SH3RF3: variants seen among roughly 807,000 people sequenced by gnomAD.
The protein encoded by SH3RF3 is SH3 domain containing ring finger 3, also known as E3 ubiquitin-protein ligase SH3RF3.
A neutral mutation model predicts 66.3 loss-of-function variants in SH3RF3; 29 were observed. The ratio of observed to expected loss-of-function variants is 0.44; its 90% CI spans 0.33 to 0.60. The LOEUF (loss-of-function observed/expected upper bound fraction) is 0.60. Among genes scored for constraint, SH3RF3 ranks in the 20% least tolerant of loss-of-function variants. SH3RF3 has a pLI of 0.04. For missense variants in SH3RF3, 1,194 were observed against 1,190.9 expected, an observed-to-expected ratio of 1.00 and a Z score of -0.04; for synonymous variants, 583 against 532.0, an observed-to-expected ratio of 1.10 and a Z score of -1.32.
intron 1 of SH3RF3, among the ~76,000 whole-genome samples, chr2:109,307,090 C>T (rs1036002857): frequency 2.0e-5 from 3 of 152,150 alleles, no homozygotes; most frequent in Non-Finnish European, 4.4e-5. Flanking sequence ...AATCAACAGA[C>T]ATTCTTTATT....
intron 1 of SH3RF3, among the ~76,000 whole-genome samples, chr2:109,200,285 C>G (rs145218650): frequency 6.6e-6 from 1 of 152,116 alleles, no homozygotes; most frequent in Non-Finnish European, 1.5e-5. Flanking sequence ...TCTCAGTGGG[C>G]GTCTGTTTGC....
chr2:109,187,829 A>G (rs946036176), intron 1 of SH3RF3, among the ~76,000 whole-genome samples: 3 of 152,226 alleles, frequency 2.0e-5, no homozygotes, highest in Admixed American at 6.5e-5. Context: ...CATTGTGACC[A>G]GGACCCCATT....
At chr2:109,369,030 C>A (rs980793628) in intron 2 of SH3RF3, among the ~76,000 whole-genome samples, 1 of 152,084 alleles carries the variant, frequency 6.6e-6, no homozygotes, top group African/African-American at 2.4e-5. Context: ...ACTCTAGTGT[C>A]CTCGTGGTGT....
intron 8 of SH3RF3, among the ~76,000 whole-genome samples, chr2:109,461,756 G>C (rs976465900): frequency 5.3e-5 from 8 of 152,230 alleles, no homozygotes; most frequent in Non-Finnish European, 1.2e-4. Flanking sequence ...GGATCTCCTG[G>C]GTCATGTGGC....
intron 1 of SH3RF3, among the ~76,000 whole-genome samples, chr2:109,305,248 CT>C (rs1218225287): frequency 6.6e-6 from 1 of 152,154 alleles, no homozygotes; most frequent in Non-Finnish European, 1.5e-5. Context: ...CGGTTTCCCC[CT>C]GGGAAGTTCA....
chr2:109,387,856 G>GT (rs1675865985), intron 3 of SH3RF3, among the ~76,000 whole-genome samples: 1 of 134,366 alleles, frequency 7.4e-6, no homozygotes, highest in East Asian at 2.2e-4. Context: ...GCCCCAGATG[G>GT]TTGGGGGGGG....
chr2:109,258,486 G>A (rs1647609547), intron 1 of SH3RF3, among the ~76,000 whole-genome samples: 1 of 152,170 alleles, frequency 6.6e-6, no homozygotes, highest in Admixed American at 6.5e-5. Context: ...ACCTACCAGG[G>A]CCAATCCAAT....
chr2:109,428,440 G>C (rs1027928691), intron 5 of SH3RF3, among the ~76,000 whole-genome samples: 1 of 152,216 alleles, frequency 6.6e-6, no homozygotes, highest in African/African-American at 2.4e-5. Flanking sequence ...CACATGCCAT[G>C]CCCAGCTGGG....
intron 1 of SH3RF3, among the ~76,000 whole-genome samples, chr2:109,337,597 T>A (rs563347981): frequency 1.3e-5 from 2 of 152,258 alleles, no homozygotes; most frequent in African/African-American, 4.8e-5. Flanking sequence ...GCACATTTGC[T>A]AGGAAGTCCA....
chr2:109,483,947 C>T (rs1678899218), intron 8 of SH3RF3, among the ~76,000 whole-genome samples: 1 of 152,196 alleles, frequency 6.6e-6, no homozygotes, highest in Non-Finnish European at 1.5e-5. Flanking sequence ...CCCACAACCC[C>T]CGCCATCCCT....
At chr2:109,189,471 C>A (rs1678287777) in intron 1 of SH3RF3, among the ~76,000 whole-genome samples, 1 of 151,522 alleles carries the variant, frequency 6.6e-6, no homozygotes, top group Non-Finnish European at 1.5e-5. Flanking sequence ...TGGGTTCAAG[C>A]AATTCTTTTG....
chr2:109,354,631 T>C (rs1682909281), intron 2 of SH3RF3, among the ~76,000 whole-genome samples: 1 of 152,236 alleles, frequency 6.6e-6, no homozygotes, highest in South Asian at 2.1e-4. Flanking sequence ...AGCTGCGATA[T>C]TTGCCAAGAT....
At chr2:109,462,631 T>TC (rs1307184406) in intron 8 of SH3RF3, among the ~76,000 whole-genome samples, 3 of 152,198 alleles carry the variant, frequency 2.0e-5, no homozygotes, top group Non-Finnish European at 4.4e-5. Context: ...TTTTCTGAAA[T>TC]AGAGGCAGGT....
chr2:109,371,305 G>A (rs983218501), intron 2 of SH3RF3, among the ~76,000 whole-genome samples: 15 of 152,314 alleles, frequency 9.8e-5, no homozygotes, highest in Admixed American at 3.9e-4. Context: ...CAGGAGAATC[G>A]CTTGAACCCC....
At chr2:109,159,155 A>C (rs944513497) in intron 1 of SH3RF3, among the ~76,000 whole-genome samples, 4 of 152,104 alleles carry the variant, frequency 2.6e-5, no homozygotes, top group Non-Finnish European at 4.4e-5. Context: ...CACAGTGTTC[A>C]CCCATGAGAA....
rs377428588 is a variant in SH3RF3, at chr2:109,468,602, C to G, written c.2148+19113C>G. ...GGTGTGGTAGCTCACGCCTGTAATC[C>G]CAGCACTTTGGGAGGCCGAGGCAGG... On this transcript the variant is annotated intron_variant, in intron 8 of 9. Transcript: ENST00000309415. Among the ~76,000 whole-genome samples, 219 of 152,116 alleles carry G rather than the reference C, an allele frequency of 1.4e-3. 1 individual carries two copies. The highest frequency in any genetic ancestry group is 5.2e-3 in the African/African-American group (215 of 41,484).
At chr2:109,205,421 T>C (rs1678788857) in intron 1 of SH3RF3, among the ~76,000 whole-genome samples, 1 of 152,112 alleles carries the variant, frequency 6.6e-6, no homozygotes. Context: ...TTTTGTTTTT[T>C]GTATTTTTAG....
chr2:109,486,469 G>A (rs949091005), intron 8 of SH3RF3, among the ~76,000 whole-genome samples: 7 of 152,194 alleles, frequency 4.6e-5, no homozygotes, highest in African/African-American at 1.7e-4. Context: ...CTAGGTCCTA[G>A]GTATTTCGTA....
chr2:109,338,093 AAC>A (rs1682469267), intron 1 of SH3RF3, among the ~76,000 whole-genome samples: 2 of 152,058 alleles, frequency 1.3e-5, no homozygotes, highest in African/African-American at 2.4e-5. Context: ...AACTTTAGTA[AAC>A]ACGCTGTGTG....
Sources: allele counts gnomAD v4.1 joint callset (sites outside exome capture counted in the v4.1 genomes callset), GRCh38; gene constraint gnomAD v4.1.1; transcripts MANE v1.5; gene names NCBI Gene and HGNC (gene_info 2026-07-23, HGNC 2026-07-21).